Variants in STRBP observed in about 807,000 individuals in gnomAD.
STRBP encodes spermatid perinuclear RNA binding protein.
STRBP carries 13 observed loss-of-function variants against 80.1 expected under a neutral mutation model. The ratio of observed to expected loss-of-function variants is 0.16; its 90% confidence interval spans 0.11 to 0.26. STRBP has a LOEUF of 0.26. Among genes scored for constraint, STRBP ranks in the 10% least tolerant of loss-of-function variants. The probability of loss-of-function intolerance (pLI) is 1.00; values close to 1 mark genes in which losing one functional copy is unlikely to be tolerated. For synonymous variants in STRBP, 284 were observed against 291.2 expected (o/e 0.98, Z 0.25); for missense variants, 485 against 815.2 (o/e 0.59, Z 4.93).
chr9:123,248,336 C>T (rs1312124071), intron 1 of STRBP, among the ~76,000 whole-genome samples: 1 of 140,334 alleles, frequency 7.1e-6, no homozygotes, highest in Non-Finnish European at 1.5e-5. Context: ...GGCACGATCT[C>T]GGCTCACTGC....
chr9:123,248,274 T>G (rs976278914), intron 1 of STRBP, among the ~76,000 whole-genome samples: 5 of 144,754 alleles, frequency 3.5e-5, no homozygotes, highest in African/African-American at 7.8e-5. Context: ...TTTTTTTTTT[T>G]TTTTTTTTTT....
At chr9:123,128,756 G>A (rs1428945507) in intron 17 of STRBP, among the ~76,000 whole-genome samples, 2 of 152,210 alleles carry the variant, frequency 1.3e-5, no homozygotes, top group African/African-American at 4.8e-5. Context: ...AGTAGTGAGA[G>A]AGCAGGCTGA....
chr9:123,223,026 T>C (rs1347748161), intron 2 of STRBP, among the ~76,000 whole-genome samples: 1 of 149,626 alleles, frequency 6.7e-6, no homozygotes, highest in African/African-American at 2.5e-5. Flanking sequence ...AAAAAAGACA[T>C]GAAGGAAGCT....
chr9:123,146,951 A>G lies in STRBP; in HGVS notation c.1242T>C (p.His414=), dbSNP rs1407429626. 3 of 1,614,002 alleles carry G rather than the reference A, an allele frequency of 1.9e-6. No individual in the cohort carries two copies. The highest frequency in any genetic ancestry group is 1.3e-5 in the African/African-American group (1 of 74,916). The stretch of plus-strand genomic sequence containing the variant: ...CTACAGACATTGTGAAGACTGGGGC[A>G]TGAACGGGGCCAGACTGAGATAGGA... ...YKLLSQSGPV[H]APVFTMSVDV... Residue 414 remains histidine (H), a synonymous_variant, in exon 13 of 19, where the codon CAT becomes CAC. Transcript: ENST00000348403.
At chr9:123,265,591 T>C (rs2041249943) in intron 1 of STRBP, among the ~76,000 whole-genome samples, 1 of 152,180 alleles carries the variant, frequency 6.6e-6, no homozygotes. Flanking sequence ...CTCAAAGTAG[T>C]TTGCTTAATC....
chr9:123,150,185 T>C (rs569046733), intron 11 of STRBP, among the ~76,000 whole-genome samples: 3 of 151,928 alleles, frequency 2.0e-5, no homozygotes, highest in African/African-American at 4.8e-5. Flanking sequence ...GCCTGAGTGG[T>C]TGGAGTGAAA....
chr9:123,202,224 A>C (rs1485765609), intron 2 of STRBP, among the ~76,000 whole-genome samples: 4 of 152,194 alleles, frequency 2.6e-5, no homozygotes, highest in Non-Finnish European at 5.9e-5. Context: ...ATTCAATGCT[A>C]ATATTGAGAT....
At chr9:123,225,669 C>G (rs904823173) in intron 2 of STRBP, among the ~76,000 whole-genome samples, 1 of 152,156 alleles carries the variant, frequency 6.6e-6, no homozygotes, top group Admixed American at 6.5e-5. Context: ...TCTAGCACCC[C>G]CTGATGGTAT....
chr9:123,156,528 T>C (rs779005796), intron 11 of STRBP, among the ~76,000 whole-genome samples: 14 of 152,032 alleles, frequency 9.2e-5, no homozygotes, highest in East Asian at 1.9e-4. Flanking sequence ...TCTGTCAATA[T>C]TGAGCATATT....
At chr9:123,134,534 G>A (rs999286313) in intron 16 of STRBP, among the ~76,000 whole-genome samples, 6 of 152,158 alleles carry the variant, frequency 3.9e-5, no homozygotes, top group African/African-American at 1.4e-4. Context: ...CTTCTTGGCC[G>A]TCAAGCACAT....
At chr9:123,113,706 G>A (rs984630159) in intron 3 of STRBP, 1 of 167,230 alleles carries the variant, frequency 6.0e-6, no homozygotes, top group Admixed American at 6.5e-5. Context: ...TGGGAAGGAA[G>A]TTTCCAGTCA....
intron 1 of STRBP, among the ~76,000 whole-genome samples, chr9:123,238,221 G>T (rs1426687100): frequency 6.6e-6 from 1 of 152,240 alleles, no homozygotes; most frequent in Non-Finnish European, 1.5e-5. Context: ...ACCAAGACCG[G>T]AGGATCGCTT....
At chr9:123,165,675 T>C (rs2037725007) in intron 6 of STRBP, among the ~76,000 whole-genome samples, 1 of 152,138 alleles carries the variant, frequency 6.6e-6, no homozygotes, top group East Asian at 1.9e-4. Context: ...CAAAAGAAAT[T>C]GAGACTCTGT....
At chr9:123,255,150 C>CA (rs2041002962) in intron 1 of STRBP, among the ~76,000 whole-genome samples, 1 of 152,208 alleles carries the variant, frequency 6.6e-6, no homozygotes, top group Non-Finnish European at 1.5e-5. Flanking sequence ...AAGAACCTTA[C>CA]ACTGTTGTTC....
chr9:123,226,434 G>A (rs2040238537), intron 2 of STRBP, among the ~76,000 whole-genome samples: 1 of 152,076 alleles, frequency 6.6e-6, no homozygotes, highest in Admixed American at 6.6e-5. Flanking sequence ...CTTCCTCAAG[G>A]TCACATATAT....
intron 11 of STRBP, among the ~76,000 whole-genome samples, chr9:123,150,353 G>A (rs939662380): frequency 5.9e-5 from 9 of 152,180 alleles, no homozygotes; most frequent in Admixed American, 4.6e-4. Context: ...AGAAAAACTG[G>A]GCAAAACAAA....
intron 3 of STRBP, chr9:123,113,912 A>T (rs1468304785): frequency 1.2e-5 from 2 of 167,144 alleles, no homozygotes; most frequent in African/African-American, 4.8e-5. Context: ...ACAGTGGCAG[A>T]GCTGAGCAGT....
In STRBP at chr9:123,193,411, C is replaced by T. The variant is rs567845778; in HGVS notation, c.-164-9113G>A. ...AGTGACTAACAGGGAATTTCTGACT[C>T]GTCCTCCATAAGCACAAATTCCATT... On this transcript the variant is annotated intron_variant, in intron 2 of 18. Transcript: ENST00000348403. Among the ~76,000 whole-genome samples, 19 of 152,316 alleles carry T rather than the reference C, an allele frequency of 1.2e-4. 1 individual carries two copies. In the South Asian group the frequency reaches 2.5e-3, roughly 20 times the overall value.
rs546695663 is a variant in STRBP at position 123,139,491 on chromosome 9, T to C, written c.1497+38A>G. The stretch of plus-strand genomic sequence containing the variant: ...TCTCTCAAATTTCCTACAATGCACA[T>C]ATATGTTATTTTTTTTCTGAGAAAA... On this transcript the variant is annotated intron_variant, in intron 14 of 18. Transcript: ENST00000348403. The C allele has an allele frequency of 4.0e-6, 6 of 1,503,058 alleles. No homozygotes were observed. In the East Asian group the frequency reaches 1.4e-4, roughly 36 times the overall value. The allele number at this position is 1,503,058 out of a possible 1,614,324, so 93.1% of individuals were successfully genotyped here. A position where few individuals can be genotyped will look rare whatever the true frequency, so the allele number is the denominator to read the frequency against.
Sources: gnomAD v4.1 joint callset for allele counts (sites outside exome capture counted in the v4.1 genomes callset) on GRCh38, gnomAD v4.1.1 for gene constraint, MANE v1.5 for transcripts, NCBI Gene and HGNC (gene_info 2026-07-23, HGNC 2026-07-21) for gene names.